Variants in GNAO1 observed in about 807,000 individuals in gnomAD.
The protein encoded by GNAO1 is G protein subunit alpha o1.
For missense variants in GNAO1, 166 were observed against 478.7 expected (o/e 0.35, Z 6.10); for synonymous variants, 164 against 180.7 (o/e 0.91, Z 0.74).
chr16:56,260,074 C>T (rs1055107876), intron 2 of GNAO1, among the ~76,000 whole-genome samples: 13 of 152,226 alleles, frequency 8.5e-5, no homozygotes, highest in Non-Finnish European at 1.5e-5. Context: ...AGCACTAACA[C>T]TTGCATAGCT....
At chr16:56,238,183 A>T (rs2036659389) in intron 2 of GNAO1, among the ~76,000 whole-genome samples, 1 of 142,074 alleles carries the variant, frequency 7.0e-6, no homozygotes, top group Non-Finnish European at 1.5e-5. Context: ...ATCTAGCCAC[A>T]AGAGGAGGTT....
intron 6 of GNAO1, among the ~76,000 whole-genome samples, chr16:56,341,644 G>A (rs1412052211): frequency 6.6e-6 from 1 of 152,228 alleles, no homozygotes; most frequent in Non-Finnish European, 1.5e-5. Context: ...CCCTATATAG[G>A]GTGCTGGGGA....
intron 3 of GNAO1, among the ~76,000 whole-genome samples, chr16:56,312,887 G>T (rs1289358820): frequency 6.6e-6 from 1 of 152,178 alleles, no homozygotes; most frequent in Non-Finnish European, 1.5e-5. Flanking sequence ...CTCTCAGCTT[G>T]TCTGAGAGCC....
At chr16:56,300,679 G>A (rs1567474998) in intron 3 of GNAO1, 1 of 152,150 alleles carries the variant, frequency 6.6e-6, no homozygotes, top group Non-Finnish European at 1.5e-5. Context: ...AAAATGGGTT[G>A]ATTCTTATTT....
chr16:56,345,355 G>A, intron 6 of GNAO1: 1 of 985,518 alleles, frequency 1.0e-6, no homozygotes, highest in Non-Finnish European at 1.2e-6. Context: ...CAAGCCCTCT[G>A]TTCTCCCTGC....
At chr16:56,224,597 C>T (rs746904518) in intron 2 of GNAO1, among the ~76,000 whole-genome samples, 11 of 152,192 alleles carry the variant, frequency 7.2e-5, no homozygotes, top group Non-Finnish European at 1.6e-4. Context: ...GTGCCTCTGT[C>T]AGCCTCCCAA....
At chr16:56,305,686 C>T (rs1290953731) in intron 3 of GNAO1, among the ~76,000 whole-genome samples, 1 of 152,144 alleles carries the variant, frequency 6.6e-6, no homozygotes, top group African/African-American at 2.4e-5. Flanking sequence ...AGAGCTCCAC[C>T]TCAGGGGCTG....
At position 56,335,826 on chromosome 16, in the gene GNAO1, G is replaced by A. The variant is rs550244917; in HGVS notation, c.594-905G>A. Among the ~76,000 whole-genome samples, 4 of 152,334 alleles carry A rather than the reference G, an allele frequency of 2.6e-5. No homozygotes were observed. The East Asian group carries it at 7.7e-4, about 29-fold the overall frequency. On this transcript the variant is annotated intron_variant, in intron 5 of 8. Coordinates refer to ENST00000262493, the MANE Select transcript of GNAO1 (RefSeq NM_020988.3). ...GGGGCCACAGAGGCCATCTGCCAACGCCCCTGCATTTCAGATGGGGAGGTG... is the reference window on the plus strand; with the variant it reads ...GGGGCCACAGAGGCCATCTGCCAACACCCCTGCATTTCAGATGGGGAGGTG...
At position 56,354,512 on chromosome 16, in the gene GNAO1, C is replaced by T. The variant is rs1365733181; in HGVS notation, c.878-354C>T. Among the ~76,000 whole-genome samples, 2 of 152,044 alleles carry T rather than the reference C, an allele frequency of 1.3e-5. No homozygotes were observed. The highest frequency in any genetic ancestry group is 4.8e-5 in the African/African-American group (2 of 41,404). ...CCAACATGGTGAAACCCCGTCTCTA[C>T]TAAAAATACAAAAATTAGCTGGGCG... On this transcript the variant is annotated intron_variant, in intron 7 of 8. Coordinates refer to ENST00000262493, the MANE Select transcript of GNAO1 (RefSeq NM_020988.3). This position sits in a 1 kb window ranked among gnomAD's most constrained non-coding sequence, Gnocchi z 4.3.
intron 2 of GNAO1, among the ~76,000 whole-genome samples, chr16:56,237,881 A>G (rs77243711): frequency 0.017 from 2,543 of 152,240 alleles, 36 homozygotes; most frequent in South Asian, 0.03. Flanking sequence ...CGGATAAAAG[A>G]CCCAAGTTAG....
chr16:56,204,977 C>A (rs1261838182), intron 2 of GNAO1, among the ~76,000 whole-genome samples: 1 of 152,106 alleles, frequency 6.6e-6, no homozygotes, highest in Non-Finnish European at 1.5e-5. Context: ...GTTCTTGTGG[C>A]AAAGGAATTC....
chr16:56,275,018 G>C (rs780635924), intron 2 of GNAO1, among the ~76,000 whole-genome samples: 6 of 152,216 alleles, frequency 3.9e-5, no homozygotes, highest in Non-Finnish European at 8.8e-5. Context: ...CCTTGGTATG[G>C]TAGAAAGGAG....
intron 2 of GNAO1, among the ~76,000 whole-genome samples, chr16:56,201,265 G>A (rs1407478727): frequency 6.6e-6 from 1 of 152,154 alleles, no homozygotes; most frequent in Non-Finnish European, 1.5e-5. Flanking sequence ...TAAAACAAGT[G>A]GTAGTTCACC....
chr16:56,315,058 G>A (rs1319813815), intron 3 of GNAO1, among the ~76,000 whole-genome samples: 2 of 152,296 alleles, frequency 1.3e-5, no homozygotes, highest in Admixed American at 6.5e-5. Context: ...CAGTGTCCCC[G>A]GGGAAAGGAT....
At chr16:56,259,962 A>G (rs144733448) in intron 2 of GNAO1, among the ~76,000 whole-genome samples, 1 of 152,344 alleles carries the variant, frequency 6.6e-6, no homozygotes, top group Non-Finnish European at 1.5e-5. Context: ...CTGTCCATAA[A>G]GTGGAGAGCT....
rs150708071 is a variant in GNAO1, at chr16:56,355,324, G to A, written c.*28+243G>A. ...TAGCTCATGGAGGTTTTCCTGGGACGGCACGTGAGCATGCACGTGTGTGTG... is the reference window on the plus strand; with the variant it reads ...TAGCTCATGGAGGTTTTCCTGGGACAGCACGTGAGCATGCACGTGTGTGTG... On this transcript the variant is annotated intron_variant, in intron 8 of 8. Transcript: ENST00000262493. The A allele has an allele frequency of 3.8e-3, 598 of 156,244 alleles. 5 individuals carry two copies. The highest frequency in any genetic ancestry group is 0.013 in the Middle Eastern group (4 of 318). The allele number at this position is 156,244 out of a possible 1,614,324, so 9.7% of individuals were successfully genotyped here.
At chr16:56,290,571 A>G (rs945087457) in intron 3 of GNAO1, among the ~76,000 whole-genome samples, 2 of 152,234 alleles carry the variant, frequency 1.3e-5, no homozygotes, top group Admixed American at 1.3e-4. Flanking sequence ...CCACTTGTTC[A>G]TAGGCCCTCT....
chr16:56,350,189 C>T (rs759847116), intron 6 of GNAO1, among the ~76,000 whole-genome samples: 18 of 151,084 alleles, frequency 1.2e-4, no homozygotes, highest in Non-Finnish European at 1.9e-4. Flanking sequence ...GTCATCTCCC[C>T]GTAGATGCCC....
Position 56,351,647 on chromosome 16 carries a change from C to T in GNAO1, c.877+110C>T. ...TGCTGGGGCTAGCTGGCGAGCGGGA[C>T]CCATTGCAGGAGACTGGTGGGGCGC... is the stretch of plus-strand genomic sequence containing the variant. On this transcript the variant is annotated intron_variant, in intron 7 of 8. Transcript: ENST00000262493. The surrounding 1 kb of genome is among the most constrained non-coding windows in gnomAD (Gnocchi z 6.1). The T allele has an allele frequency of 1.2e-6, 1 of 836,744 alleles. No individual in the cohort carries two copies. Among genetic ancestry groups the T allele is most frequent in the East Asian group, 2.5e-5 (1 of 40,154 alleles). The allele number at this position is 836,744 out of a possible 1,614,324, so 51.8% of individuals were successfully genotyped here. A position where few individuals can be genotyped will look rare whatever the true frequency, so the allele number is the denominator to read the frequency against.
Sources: allele counts gnomAD v4.1 joint callset (sites outside exome capture counted in the v4.1 genomes callset), GRCh38; gene constraint gnomAD v4.1.1; non-coding constraint Gnocchi (gnomAD v3.1); transcripts MANE v1.5; gene names NCBI Gene and HGNC (gene_info 2026-07-23, HGNC 2026-07-21).